Variants in PLSCR4 observed in about 807,000 individuals in gnomAD.
PLSCR4 encodes phospholipid scramblase 4, also known as Ca(2+)-dependent phospholipid scramblase 4.
In PLSCR4, 25 loss-of-function variants were observed where a neutral mutation model predicts 36.3. The ratio of observed to expected loss-of-function variants is 0.69; its 90% confidence interval spans 0.50 to 0.96. The LOEUF (loss-of-function observed/expected upper bound fraction) is 0.96. Ranked by LOEUF, PLSCR4 falls within the 40% of genes least tolerant of loss-of-function variation. PLSCR4 has a pLI of 0.00. For missense variants in PLSCR4, 408 were observed against 414.7 expected (o/e 0.98, Z 0.14); for synonymous variants, 122 against 132.9 (o/e 0.92, Z 0.56).
In PLSCR4 at chr3:146,201,029, A is replaced by G. The variant is rs1670573560; in HGVS notation, c.397+6T>C. The G allele has an allele frequency of 1.3e-6, 2 of 1,548,818 alleles. No individual in the cohort carries two copies. Among genetic ancestry groups the G allele is most frequent in the Non-Finnish European group, 1.7e-6 (2 of 1,148,076 alleles). ...TACTGCTGAGCACTACAAAAATTATACATACTTTCCAGAGGCTCAAAATGC... is the reference window on the plus strand; with the variant it reads ...TACTGCTGAGCACTACAAAAATTATGCATACTTTCCAGAGGCTCAAAATGC... On this transcript the variant is annotated splice_donor_region_variant and intron_variant, in intron 5 of 8. Coordinates refer to ENST00000354952, the MANE Select transcript of PLSCR4 (RefSeq NM_020353.3).
intron 1 of PLSCR4, among the ~76,000 whole-genome samples, chr3:146,233,543 C>T (rs1512890): frequency 0.71 from 107,952 of 151,970 alleles, 40,891 homozygotes; most frequent in Non-Finnish European, 0.85. Context: ...GGATTACCTA[C>T]TGATTATGAC....
Position 146,193,331 on chromosome 3 carries a change from T to C in PLSCR4, c.*1080A>G, listed in dbSNP as rs1196004438. The stretch of plus-strand genomic sequence containing the variant: ...AAGCAGTATTAAGCAGCGGTGGAAT[T>C]TGTCGCTTTCACTTTTTATAAAGTG... On this transcript the variant is annotated 3_prime_UTR_variant, in exon 9 of 9. Coordinates refer to ENST00000354952, the MANE Select transcript of PLSCR4 (RefSeq NM_020353.3). The C allele has an allele frequency of 2.0e-5, 3 of 152,182 alleles. No homozygotes were observed. The highest frequency in any genetic ancestry group is 7.2e-5 in the African/African-American group (3 of 41,440). 9.4% of individuals were successfully genotyped at this position (152,182 alleles called of 1,614,324 possible).
chr3:146,245,294 A>T (rs1000068707), intron 1 of PLSCR4, among the ~76,000 whole-genome samples: 1 of 152,020 alleles, frequency 6.6e-6, no homozygotes, highest in Non-Finnish European at 1.5e-5. Flanking sequence ...TCAGATAAAA[A>T]CCTATCTGCT....
intron 1 of PLSCR4, among the ~76,000 whole-genome samples, chr3:146,223,077 G>A (rs114446601): frequency 0.018 from 2,367 of 133,604 alleles, 28 homozygotes; most frequent in Non-Finnish European, 0.03. Context: ...AGGAGGGTAA[G>A]AATTGAAAGT....
At position 146,196,715 on chromosome 3, in the gene PLSCR4, T is replaced by C; in HGVS notation, c.703A>G (p.Ile235Val). 3 of 1,613,980 alleles carry C rather than the reference T, an allele frequency of 1.9e-6. No individual in the cohort carries two copies. The highest frequency in any genetic ancestry group is 2.5e-6 in the Non-Finnish European group (3 of 1,179,892). The change falls in exon 7 of 9, where the codon ATC (isoleucine) becomes GTC (valine). Residue 235 changes from isoleucine (I) to valine (V), a missense_variant. By Grantham distance (29) the Ile-to-Val change is conservative. Coordinates refer to ENST00000354952, the MANE Select transcript of PLSCR4 (RefSeq NM_020353.3). The stretch of plus-strand genomic sequence containing the variant: ...ACATTTTCTTTCTTCTCATTTTGGA[T>C]GCTGTACACCGCCCTGCACAGGTTC... Reference protein sequence around the residue: ...HWNLCRAVYSIQNEKKENVMR... With the variant: ...HWNLCRAVYSVQNEKKENVMR...
At chr3:146,217,794 A>G (rs1559912213) in intron 3 of PLSCR4, among the ~76,000 whole-genome samples, 2 of 152,340 alleles carry the variant, frequency 1.3e-5, no homozygotes, top group Admixed American at 6.5e-5. Flanking sequence ...TTGAGATTCA[A>G]TGGTCTTTCA....
intron 3 of PLSCR4, among the ~76,000 whole-genome samples, chr3:146,207,219 C>T (rs1217194995): frequency 6.6e-6 from 1 of 152,064 alleles, no homozygotes; most frequent in Non-Finnish European, 1.5e-5. Flanking sequence ...ATAATGTCTA[C>T]TTCATTTCAA....
At chr3:146,231,364 T>A (rs2035705130) in intron 1 of PLSCR4, among the ~76,000 whole-genome samples, 1 of 152,216 alleles carries the variant, frequency 6.6e-6, no homozygotes, top group African/African-American at 2.4e-5. Flanking sequence ...TACATTCCTT[T>A]TGGTATGTAC....
chr3:146,200,947 G>C, intron 5 of PLSCR4, 88 bp downstream of exon 5: 5 of 805,552 alleles, frequency 6.2e-6, no homozygotes, highest in Non-Finnish European at 1.0e-5. Context: ...ACTAAAACAT[G>C]ATCAATATAA....
At chr3:146,243,236 A>ATC (rs144004180) in intron 1 of PLSCR4, among the ~76,000 whole-genome samples, 2,553 of 151,956 alleles carry the variant, frequency 0.017, 77 homozygotes, top group African/African-American at 0.058. Context: ...AACTGTATAC[A>ATC]TCTTTTTTTT....
chr3:146,224,519 C>A (rs1346368352), intron 1 of PLSCR4, among the ~76,000 whole-genome samples: 1 of 149,446 alleles, frequency 6.7e-6, no homozygotes, highest in Non-Finnish European at 1.5e-5. Flanking sequence ...GGAGTTTCTT[C>A]CTTCTGGTGG....
chr3:146,229,617 A>G (rs1275642773), intron 1 of PLSCR4, among the ~76,000 whole-genome samples: 4 of 129,990 alleles, frequency 3.1e-5, no homozygotes, highest in African/African-American at 1.1e-4. Flanking sequence ...TTATTTATTT[A>G]TTTATTTATT....
intron 1 of PLSCR4, among the ~76,000 whole-genome samples, chr3:146,226,875 A>G (rs1292626765): frequency 6.6e-6 from 1 of 152,254 alleles, no homozygotes; most frequent in Non-Finnish European, 1.5e-5. Context: ...AAAGAAAAGA[A>G]AACTAGCTAC....
At chr3:146,204,602 T>C (rs1328778165) in intron 4 of PLSCR4, among the ~76,000 whole-genome samples, 1 of 152,002 alleles carries the variant, frequency 6.6e-6, no homozygotes, top group Non-Finnish European at 1.5e-5. Context: ...TTTTTTCACT[T>C]ATTTCTTTAA....
At position 146,222,073 on chromosome 3, in the gene PLSCR4, T is replaced by C; in HGVS notation, c.-2A>G. On this transcript the variant is annotated 5_prime_UTR_variant, in exon 2 of 9. Transcript: ENST00000354952. ...TATTCACAAAAACTTACCTGACATT[T>C]TGAAGAATTCCAATTAATCCTGAAA... 1 of 1,210,276 alleles carries C rather than the reference T, an allele frequency of 8.3e-7. No homozygotes were observed. The highest frequency in any genetic ancestry group is 1.1e-6 in the Non-Finnish European group (1 of 881,414). The allele number at this position is 1,210,276 out of a possible 1,614,324, so 75.0% of individuals were successfully genotyped here. A position where few individuals can be genotyped will look rare whatever the true frequency, so the allele number is the denominator to read the frequency against.
chr3:146,230,555 T>G (rs2035667769), intron 1 of PLSCR4, among the ~76,000 whole-genome samples: 1 of 152,124 alleles, frequency 6.6e-6, no homozygotes. Context: ...CCCAACAAAG[T>G]CACTGGACCA....
chr3:146,207,169 T>A (rs1001771588), intron 3 of PLSCR4, among the ~76,000 whole-genome samples: 1 of 152,154 alleles, frequency 6.6e-6, no homozygotes, highest in East Asian at 1.9e-4. Context: ...CCTGCAAATT[T>A]TTGTTATTAT....
intron 1 of PLSCR4, among the ~76,000 whole-genome samples, chr3:146,229,960 T>C (rs989231867): frequency 6.6e-6 from 1 of 152,174 alleles, no homozygotes; most frequent in Non-Finnish European, 1.5e-5. Context: ...TAATTGTAAG[T>C]AGAGCACTTT....
At chr3:146,222,745 C>G (rs1327989622) in intron 1 of PLSCR4, among the ~76,000 whole-genome samples, 3 of 152,128 alleles carry the variant, frequency 2.0e-5, no homozygotes, top group Non-Finnish European at 4.4e-5. Context: ...ACTGGGAAGT[C>G]TGGAGGATTC....
Sources: gnomAD v4.1 joint callset for allele counts (sites outside exome capture counted in the v4.1 genomes callset) on GRCh38, gnomAD v4.1.1 for gene constraint, MANE v1.5 for transcripts, NCBI Gene and HGNC (gene_info 2026-07-23, HGNC 2026-07-21) for gene names.